Variants in ZNF48 observed in about 807,000 individuals in gnomAD.
ZNF48 encodes the protein zinc finger protein 48.
Under a neutral mutation model 40.0 loss-of-function variants are expected in ZNF48, and 20 were observed. That is an observed-to-expected ratio of 0.50 (90% CI 0.35 to 0.73). ZNF48 has a LOEUF of 0.73. Among genes scored for constraint, ZNF48 ranks in the 30% least tolerant of loss-of-function variants. The probability of loss-of-function intolerance (pLI) is 0.01; values close to 1 mark genes in which losing one functional copy is unlikely to be tolerated. For missense variants in ZNF48, 726 were observed against 851.9 expected (o/e 0.85, Z 1.84); for synonymous variants, 298 against 329.7 (o/e 0.90, Z 1.04).
rs1328847714 is a variant in ZNF48 at position 30,398,011 on chromosome 16, G to C, written c.761G>C (p.Arg254Pro). The change falls in exon 3 of 3, where the codon CGA (arginine) becomes CCA (proline). Residue 254 changes from arginine (R) to proline (P), a missense_variant. By Grantham distance (103) the Arg-to-Pro change is moderately radical. Coordinates refer to ENST00000613509, the MANE Select transcript of ZNF48 (RefSeq NM_001214909.2). This position sits in a 1 kb window ranked among gnomAD's most constrained non-coding sequence, Gnocchi z 6.6. ...GEQPPRPVVP[R>P]RQPSRAATAA... Reference sequence around the variant, plus strand: ...CAGCCCCCCCGACCAGTGGTGCCCCGACGGCAGCCATCTCGGGCAGCCACG... The same window carrying C: ...CAGCCCCCCCGACCAGTGGTGCCCCCACGGCAGCCATCTCGGGCAGCCACG... 1.2e-6 allele frequency: 2 copies of C among 1,612,896 alleles called. No homozygotes were observed. The highest frequency in any genetic ancestry group is 1.7e-6 in the Non-Finnish European group (2 of 1,179,404).
At chr16:30,379,489 C>T in intron 1 of ZNF48, 1 of 1,613,948 alleles carries the variant, frequency 6.2e-7, no homozygotes, top group South Asian at 1.1e-5. Context: ...TTCCCGCCAT[C>T]CCTCACCACC....
intron 1 of ZNF48, chr16:30,379,009 G>A (rs756426660): frequency 3.7e-6 from 6 of 1,611,924 alleles, no homozygotes; most frequent in Non-Finnish European, 5.1e-6. Flanking sequence ...TGTCCGCCCC[G>A]GGTCTCACCT....
At chr16:30,390,163 A>G (rs2049931903) in intron 1 of ZNF48, among the ~76,000 whole-genome samples, 1 of 151,632 alleles carries the variant, frequency 6.6e-6, no homozygotes, top group Non-Finnish European at 1.5e-5. Context: ...CTTCACAGTT[A>G]CCTCTTCCCC....
chr16:30,386,035 G>A (rs1034965304), intron 1 of ZNF48, among the ~76,000 whole-genome samples: 1 of 152,096 alleles, frequency 6.6e-6, no homozygotes, highest in Admixed American at 6.6e-5. Context: ...CAGCACTTTG[G>A]GAGGCCGAGG....
intron 1 of ZNF48, chr16:30,380,151 AAGAC>A (rs1406677678): frequency 1.3e-5 from 10 of 749,924 alleles, no homozygotes; most frequent in Non-Finnish European, 2.0e-5. Flanking sequence ...AAAGACATGA[AAGAC>A]AGAGATGGGG....
upstream of ZNF48, chr16:30,394,426 G>T (rs1244124957): frequency 2.0e-5 from 3 of 152,242 alleles, no homozygotes; most frequent in Non-Finnish European, 4.4e-5. Flanking sequence ...CGGATACTGG[G>T]ATCTTGCTCC....
At chr16:30,387,230 A>G (rs926102669) in intron 1 of ZNF48, among the ~76,000 whole-genome samples, 1 of 136,232 alleles carries the variant, frequency 7.3e-6, no homozygotes, top group African/African-American at 2.7e-5. Flanking sequence ...GGCGTGAGCC[A>G]CCGCGCCCGG....
chr16:30,389,117 G>A (rs1254785727), intron 1 of ZNF48, among the ~76,000 whole-genome samples: 1 of 151,954 alleles, frequency 6.6e-6, no homozygotes, highest in African/African-American at 2.4e-5. Context: ...AAATTGGCTG[G>A]GCACAGTGGC....
intron 1 of ZNF48, chr16:30,379,579 A>G (rs761914888): frequency 6.9e-7 from 1 of 1,440,670 alleles, no homozygotes; most frequent in Non-Finnish European, 9.7e-7. Flanking sequence ...CACACGGCAG[A>G]AACTTTCTCT....
intron 1 of ZNF48, chr16:30,378,417 C>T: frequency 6.4e-7 from 1 of 1,554,340 alleles, no homozygotes. Context: ...CGAGGTAAGG[C>T]CGGGCGGGGC....
rs1365658130 is a variant in ZNF48 at position 30,399,357 on chromosome 16, A to AT, written c.*252dup. ...GAAGACTGCCTAGCACACAGTAGGCATTCAATACTTGTTGAATAAATAAAC... is the reference window on the plus strand; with the variant it reads ...GAAGACTGCCTAGCACACAGTAGGCATTTCAATACTTGTTGAATAAATAAAC... On this transcript the variant is annotated 3_prime_UTR_variant, in exon 3 of 3. Transcript: ENST00000613509. 9.4e-6 allele frequency: 4 copies of AT among 425,572 alleles called. No homozygotes were observed. Among genetic ancestry groups the AT allele is most frequent in the African/African-American group, 8.0e-5 (4 of 50,194 alleles). The allele number at this position is 425,572 out of a possible 1,614,324, so 26.4% of individuals were successfully genotyped here.
chr16:30,378,883 G>GACGGAGA (rs2049795260), intron 1 of ZNF48: 20 of 400,870 alleles, frequency 5.0e-5, no homozygotes, highest in Non-Finnish European at 6.6e-5. Context: ...AGAGAGGGAG[G>GACGGAGA]GAGGGAGGGA....
At position 30,398,429 on chromosome 16, in the gene ZNF48, C is replaced by T; in HGVS notation, c.1179C>T (p.Pro393=). The change falls in exon 3 of 3, where the codon CCC becomes CCT. Residue 393 remains proline, a synonymous_variant. Coordinates refer to ENST00000613509, the MANE Select transcript of ZNF48 (RefSeq NM_001214909.2). The surrounding 1 kb of genome is among the most constrained non-coding windows in gnomAD (Gnocchi z 6.6). Reference sequence around the variant, plus strand: ...AGGACTTCAGCTTCCCAGGCTATCCCCTACCCGCTCTGATCCCCAGCCCAC... The same window carrying T: ...AGGACTTCAGCTTCCCAGGCTATCCTCTACCCGCTCTGATCCCCAGCCCAC... ...EPQDFSFPGY[P]LPALIPSPPP... 6.2e-6 allele frequency: 10 copies of T among 1,602,144 alleles called. No homozygotes were observed. Among genetic ancestry groups the T allele is most frequent in the Non-Finnish European group, 8.5e-6 (10 of 1,172,412 alleles).
chr16:30,394,079 G>T (rs1567432059), upstream of ZNF48, among the ~76,000 whole-genome samples: 2 of 151,356 alleles, frequency 1.3e-5, no homozygotes, highest in Admixed American at 1.3e-4. Context: ...TGCCCAGCAT[G>T]GAGTACAGTG....
chr16:30,397,424 A>C lies in ZNF48; in HGVS notation c.174A>C (p.Pro58=). The C allele has an allele frequency of 6.2e-7, 1 of 1,614,132 alleles. No homozygotes were observed. The highest frequency in any genetic ancestry group is 8.5e-7 in the Non-Finnish European group (1 of 1,180,014). Residue 58 remains proline, a synonymous_variant, in exon 3 of 3, where the codon CCA becomes CCC. Coordinates refer to ENST00000613509, the MANE Select transcript of ZNF48 (RefSeq NM_001214909.2). The surrounding 1 kb of genome is among the most constrained non-coding windows in gnomAD (Gnocchi z 4.1). ...DLGFKEEDLA[P]DHEVGNASLK... is the part of the protein sequence containing the mutation. The stretch of plus-strand genomic sequence containing the variant: ...GGTTCAAGGAAGAAGATTTGGCTCC[A>C]GATCATGAAGTAGGAAATGCCTCTC...
At chr16:30,396,944 G>T (rs2049989953) in intron 2 of ZNF48, among the ~76,000 whole-genome samples, 1 of 151,906 alleles carries the variant, frequency 6.6e-6, no homozygotes, top group Non-Finnish European at 1.5e-5. Flanking sequence ...CACCCACCTC[G>T]GCCTCCCAAA....
chr16:30,385,909 T>C (rs1328423552), intron 1 of ZNF48, among the ~76,000 whole-genome samples: 2 of 151,918 alleles, frequency 1.3e-5, no homozygotes, highest in African/African-American at 4.8e-5. Context: ...GAGGATTGCT[T>C]GAGGCTAGGA....
In ZNF48 at chr16:30,399,207, G is replaced by A; in HGVS notation, c.*100G>A. 1.8e-6 allele frequency: 2 copies of A among 1,094,928 alleles called. No homozygotes were observed. Among genetic ancestry groups the A allele is most frequent in the Non-Finnish European group, 1.3e-6 (1 of 780,388 alleles). The allele number at this position is 1,094,928 out of a possible 1,614,324, so 67.8% of individuals were successfully genotyped here. On this transcript the variant is annotated 3_prime_UTR_variant, in exon 3 of 3. Coordinates refer to ENST00000613509, the MANE Select transcript of ZNF48 (RefSeq NM_001214909.2). ...GGGAGGTGGTGGGAGGGAGAAGGAA[G>A]GGAAGAAAGGGGAGGAAGAATAGAT...
chr16:30,379,637 C>T, intron 1 of ZNF48: 1 of 353,948 alleles, frequency 2.8e-6, no homozygotes, highest in East Asian at 5.6e-5. Flanking sequence ...CCTGCCCCTT[C>T]CTCTTTTTTT....
Sources: gnomAD v4.1 joint callset for allele counts (sites outside exome capture counted in the v4.1 genomes callset) on GRCh38, gnomAD v4.1.1 for gene constraint, Gnocchi (gnomAD v3.1) non-coding constraint, MANE v1.5 for transcripts, NCBI Gene and HGNC (gene_info 2026-07-23, HGNC 2026-07-21) for gene names.